The following GABRB3 variants were observed in gnomAD, a reference collection of about 807,000 sequenced individuals.
GABRB3 encodes the protein gamma-aminobutyric acid type A receptor subunit beta3.
In GABRB3, 14 loss-of-function variants were observed where a neutral mutation model predicts 52.1. The observed-to-expected ratio is 0.27, with a 90% confidence interval of 0.18 to 0.42. The LOEUF is 0.42. Ranked by LOEUF, GABRB3 falls within the 10% of genes least tolerant of loss-of-function variation. The probability of loss-of-function intolerance (pLI) is 1.00; values close to 1 mark genes in which losing one functional copy is unlikely to be tolerated. For synonymous variants in GABRB3, 260 were observed against 232.3 expected, an observed-to-expected ratio of 1.12 and a Z score of -1.08; for missense variants, 307 against 609.1, an observed-to-expected ratio of 0.50 and a Z score of 5.22.
chr15:26,601,981 A>G (rs780829764), intron 4 of GABRB3, among the ~76,000 whole-genome samples: 1 of 152,188 alleles, frequency 6.6e-6, no homozygotes, highest in Non-Finnish European at 1.5e-5. Context: ...ATGGTTGAGA[A>G]CACAAGACCT....
At chr15:26,732,263 T>C (rs1889942531) in intron 3 of GABRB3, among the ~76,000 whole-genome samples, 2 of 150,378 alleles carry the variant, frequency 1.3e-5, no homozygotes, top group South Asian at 4.3e-4. Context: ...AATAGATGGA[T>C]GGATGGATGG....
intron 3 of GABRB3, among the ~76,000 whole-genome samples, chr15:26,655,924 T>C (rs1181613532): frequency 6.6e-6 from 1 of 152,148 alleles, no homozygotes; most frequent in Non-Finnish European, 1.5e-5. Context: ...ATCTGCATCA[T>C]TGTTTTTTTG....
At position 26,699,140 on chromosome 15, in the gene GABRB3, TAAG is replaced by T. The variant is rs562974967; in HGVS notation, c.240+73259_240+73261del. On this transcript the variant is annotated intron_variant, in intron 3 of 8. Coordinates refer to ENST00000311550, the MANE Select transcript of GABRB3 (RefSeq NM_000814.6). ...TATTAGAGGAAAATTTGTCAGAGTT[TAAG>T]AAGAAGTTTCCAGAACTGGGAACAG... Among the ~76,000 whole-genome samples, 1,146 of 152,254 alleles carry T rather than the reference TAAG, an allele frequency of 7.5e-3. 3 individuals carry two copies. The highest frequency in any genetic ancestry group is 0.015 in the South Asian group (71 of 4,818).
chr15:26,552,848 G>C (rs1039582932), intron 8 of GABRB3, among the ~76,000 whole-genome samples: 3 of 152,110 alleles, frequency 2.0e-5, no homozygotes, highest in African/African-American at 4.8e-5. Context: ...GGCCTGGGAG[G>C]GGGGTTCAAC....
chr15:26,743,524 A>C (rs967497195), intron 3 of GABRB3, among the ~76,000 whole-genome samples: 2 of 152,204 alleles, frequency 1.3e-5, no homozygotes, highest in Non-Finnish European at 2.9e-5. Flanking sequence ...AATATTTCTC[A>C]AGTCAGAATA....
intron 4 of GABRB3, among the ~76,000 whole-genome samples, chr15:26,590,043 G>A (rs757983426): frequency 1.3e-5 from 2 of 152,068 alleles, no homozygotes; most frequent in Non-Finnish European, 2.9e-5. Flanking sequence ...CGGGGTCACC[G>A]GTCAAGAGGC....
At chr15:26,743,421 T>C (rs1890261428) in intron 3 of GABRB3, among the ~76,000 whole-genome samples, 1 of 152,176 alleles carries the variant, frequency 6.6e-6, no homozygotes, top group African/African-American at 2.4e-5. Context: ...TCTTTGAGTG[T>C]TCTACTGTGA....
intron 3 of GABRB3, among the ~76,000 whole-genome samples, chr15:26,693,194 G>A (rs1888638912): frequency 1.3e-5 from 2 of 152,130 alleles, no homozygotes; most frequent in Non-Finnish European, 2.9e-5. Context: ...ACTCTGACAA[G>A]AATCAGGTGA....
At position 26,621,295 on chromosome 15, in the gene GABRB3, C is replaced by T; in HGVS notation, c.461+19G>A. 6.2e-7 allele frequency: 1 copy of T among 1,608,646 alleles called. No individual in the cohort carries two copies. The highest frequency in any genetic ancestry group is 1.3e-5 in the African/African-American group (1 of 74,882). ...TGCACCATGCAACAGCAAAATTGGT[C>T]CTGAAGAGGCACACAGACCTGAGCC... On this transcript the variant is annotated intron_variant, in intron 4 of 8. Coordinates refer to ENST00000311550, the MANE Select transcript of GABRB3 (RefSeq NM_000814.6). This position sits in a 1 kb window ranked among gnomAD's most constrained non-coding sequence, Gnocchi z 4.1.
intron 4 of GABRB3, among the ~76,000 whole-genome samples, chr15:26,588,306 C>A (rs1293583234): frequency 6.6e-6 from 1 of 152,166 alleles, no homozygotes; most frequent in East Asian, 1.9e-4. Flanking sequence ...CATATCTGTA[C>A]TTTATGGAAC....
At position 26,559,364 on chromosome 15, in the gene GABRB3, G is replaced by A. The variant is rs115600030; in HGVS notation, c.1080+1568C>T. The stretch of plus-strand genomic sequence containing the variant: ...GCTTCCTGAAACCACCTCAAAAGCC[G>A]GGCAGACATTATTGCCATGCTTCCT... On this transcript the variant is annotated intron_variant, in intron 8 of 8. Coordinates refer to ENST00000311550, the MANE Select transcript of GABRB3 (RefSeq NM_000814.6). Among the ~76,000 whole-genome samples the A allele has an allele frequency of 9.6e-3, 1,466 of 152,214 alleles. 16 individuals are homozygous for A. Among genetic ancestry groups the A allele is most frequent in the African/African-American group, 0.031 (1,285 of 41,534 alleles).
At chr15:26,739,154 G>A (rs892492470) in intron 3 of GABRB3, among the ~76,000 whole-genome samples, 1 of 151,988 alleles carries the variant, frequency 6.6e-6, no homozygotes, top group Non-Finnish European at 1.5e-5. Context: ...ACTGGGAGGC[G>A]GATAGGGCAC....
At chr15:26,656,035 C>A (rs1465623871) in intron 3 of GABRB3, among the ~76,000 whole-genome samples, 1 of 152,076 alleles carries the variant, frequency 6.6e-6, no homozygotes, top group Non-Finnish European at 1.5e-5. Context: ...CTGTTATTTG[C>A]CTCTCATCTC....
In GABRB3 at chr15:26,772,938, G is replaced by A. The variant is rs556238396; in HGVS notation, c.25C>T (p.Leu9Phe). The change falls in exon 1 of 9, where the codon CTT (leucine) becomes TTT (phenylalanine). Residue 9 changes from leucine to phenylalanine, a missense_variant. Physicochemically the swap from Leu to Phe is conservative, Grantham distance 22. Coordinates refer to ENST00000311550, the MANE Select transcript of GABRB3 (RefSeq NM_000814.6). MWGLAGGRLFGIFSAPVLV... is the reference protein window; with the variant it reads MWGLAGGRFFGIFSAPVLV... ...ACCGGGGCCGAGAAGATGCCGAAAA[G>A]CCTTCCTCCCGCAAGGCCCCACATC... 3.4e-6 allele frequency: 5 copies of A among 1,484,404 alleles called. No individual in the cohort carries two copies. The South Asian group carries it at 3.8e-5, about 11-fold the overall frequency. The allele number at this position is 1,484,404 out of a possible 1,614,324, so 92.0% of individuals were successfully genotyped here. A position where few individuals can be genotyped will look rare whatever the true frequency, so the allele number is the denominator to read the frequency against.
At chr15:26,680,670 T>A (rs893542226) in intron 3 of GABRB3, among the ~76,000 whole-genome samples, 12 of 152,256 alleles carry the variant, frequency 7.9e-5, no homozygotes, top group African/African-American at 2.4e-4. Context: ...GCAGTGTTAA[T>A]CATTTACTAG....
chr15:26,691,310 G>A (rs928663902), intron 3 of GABRB3, among the ~76,000 whole-genome samples: 2 of 152,166 alleles, frequency 1.3e-5, no homozygotes, highest in Non-Finnish European at 2.9e-5. Flanking sequence ...TTCCTGGTAC[G>A]GAAGGAAAGA....
rs1567097771 is a variant in GABRB3, at chr15:26,554,185, T to TATATAAA, written c.1081-6052_1081-6051insTTTATAT. On this transcript the variant is annotated intron_variant, in intron 8 of 8. Transcript: ENST00000311550. ...AGTATATATATATAAAGTATATATATATATACTATATATATATATATATAG... is the reference window on the plus strand; with the variant it reads ...AGTATATATATATAAAGTATATATATATATAAAATATACTATATATATATATATATAG... Among the ~76,000 whole-genome samples the TATATAAA allele has an allele frequency of 3.4e-3, 101 of 29,706 alleles. 6 individuals carry two copies. The highest frequency in any genetic ancestry group is 0.017 in the African/African-American group (97 of 5,812). The allele number at this position is 29,706 out of a possible 152,430, so 19.5% of individuals were successfully genotyped here. A position where few individuals can be genotyped will look rare whatever the true frequency, so the allele number is the denominator to read the frequency against.
rs1476211104 is a variant in GABRB3 at position 26,587,226 on chromosome 15, TA to T, written c.462-3813del. ...CAATTATACACTGTCAATTTACAAT[TA>T]AAAAAATGGAGCCACTTTTTTCTTT... On this transcript the variant is annotated intron_variant, in intron 4 of 8. Transcript: ENST00000311550. Among the ~76,000 whole-genome samples, 6 of 152,030 alleles carry T rather than the reference TA, an allele frequency of 3.9e-5. 1 individual carries two copies. The East Asian group carries it at 5.8e-4, about 15-fold the overall frequency.
At position 26,606,807 on chromosome 15, in the gene GABRB3, T is replaced by TC. The variant is rs879451991; in HGVS notation, c.461+14506_461+14507insG. On this transcript the variant is annotated intron_variant, in intron 4 of 8. Transcript: ENST00000311550. ...ATATATCTATAGATAGATATATCTA[T>TC]AGATAGATAGATAGATAGATAGATA... Among the ~76,000 whole-genome samples the TC allele has an allele frequency of 5.4e-5, 5 of 92,234 alleles. 1 individual carries two copies. The South Asian group carries it at 1.5e-3, about 29-fold the overall frequency. The allele number at this position is 92,234 out of a possible 152,430, so 60.5% of individuals were successfully genotyped here.
Sources: allele counts gnomAD v4.1 joint callset (sites outside exome capture counted in the v4.1 genomes callset), GRCh38; gene constraint gnomAD v4.1.1; non-coding constraint Gnocchi (gnomAD v3.1); transcripts MANE v1.5; gene names NCBI Gene and HGNC (gene_info 2026-07-23, HGNC 2026-07-21).